The following TRIP12 variants were observed in gnomAD, a reference collection of about 807,000 sequenced individuals.
TRIP12 encodes the protein thyroid hormone receptor interactor 12.
A neutral mutation model predicts 244.2 loss-of-function variants in TRIP12; 25 were observed. The ratio of observed to expected loss-of-function variants is 0.10; its 90% CI spans 0.07 to 0.14. The LOEUF (loss-of-function observed/expected upper bound fraction) is 0.14. TRIP12 is among the 10% of genes least tolerant of loss of function. The pLI is 1.00. For missense variants in TRIP12, 1,677 were observed against 2,486.4 expected, an observed-to-expected ratio of 0.67 and a Z score of 6.92; for synonymous variants, 905 against 873.1, an observed-to-expected ratio of 1.04 and a Z score of -0.64.
At chr2:229,829,421 G>T in intron 7 of TRIP12, 133 bp from the exon 8 acceptor site, 1 of 664,054 alleles carries the variant, frequency 1.5e-6, no homozygotes. Context: ...GGACTTTTAA[G>T]AGAAGCTACA....
intron 1 of TRIP12, among the ~76,000 whole-genome samples, chr2:229,920,372 G>A (rs1244018716): frequency 6.6e-6 from 1 of 152,134 alleles, no homozygotes; most frequent in Non-Finnish European, 1.5e-5. Flanking sequence ...TGGCAGCCCA[G>A]GCAAGATCGA....
At position 229,767,353 on chromosome 2, in the gene TRIP12, A is replaced by G. The variant is rs1398905690; in HGVS notation, c.*201T>C. On this transcript the variant is annotated 3_prime_UTR_variant, in exon 42 of 42. Transcript: ENST00000675903. ...AACTTGCTAAAGAAACCTCATCACA[A>G]CAACGTTTTAGGGCCTGATCACTTT... 2.2e-6 allele frequency: 1 copy of G among 453,126 alleles called. No individual in the cohort carries two copies. Among genetic ancestry groups the G allele is most frequent in the Non-Finnish European group, 3.7e-6 (1 of 273,616 alleles). 28.1% of individuals were successfully genotyped at this position (453,126 alleles called of 1,614,324 possible).
At chr2:229,827,339 T>G (rs555488641) in intron 8 of TRIP12, among the ~76,000 whole-genome samples, 5 of 152,026 alleles carry the variant, frequency 3.3e-5, no homozygotes, top group Admixed American at 6.5e-5. Context: ...CTTTTTTACT[T>G]CATAAACTTT....
chr2:229,839,692 A>G (rs552370247), intron 5 of TRIP12, among the ~76,000 whole-genome samples: 1 of 151,796 alleles, frequency 6.6e-6, no homozygotes, highest in Admixed American at 6.6e-5. Flanking sequence ...AAAAAAAAAA[A>G]GAAAAAAGTG....
chr2:229,840,434 G>A (rs556356186), intron 5 of TRIP12, among the ~76,000 whole-genome samples: 2 of 152,264 alleles, frequency 1.3e-5, no homozygotes, highest in East Asian at 3.9e-4. Context: ...GGGCACGGTG[G>A]CTCACGCCTG....
intron 15 of TRIP12, among the ~76,000 whole-genome samples, chr2:229,809,305 TA>T (rs1324183223): frequency 6.6e-6 from 1 of 152,208 alleles, no homozygotes; most frequent in Non-Finnish European, 1.5e-5. Context: ...ATAAGGATTT[TA>T]TTTTTTTTAG....
At chr2:229,785,730 A>T in intron 34 of TRIP12, 27 bp downstream of exon 34, 1 of 1,598,718 alleles carries the variant, frequency 6.3e-7, no homozygotes, top group South Asian at 1.1e-5. Flanking sequence ...GTCAAGCTAA[A>T]TAACCATCAC....
intron 2 of TRIP12, among the ~76,000 whole-genome samples, chr2:229,869,086 A>T (rs2062062148): frequency 6.6e-6 from 1 of 152,236 alleles, no homozygotes; most frequent in African/African-American, 2.4e-5. Context: ...AGAGCTTACC[A>T]CTGACCTGGA....
At chr2:229,858,678 G>A in intron 4 of TRIP12, 94 bp downstream of exon 4, 1 of 1,083,082 alleles carries the variant, frequency 9.2e-7, no homozygotes, top group Non-Finnish European at 1.3e-6. Flanking sequence ...CTAAGACTGG[G>A]GGGAAAAAAC....
Position 229,769,468 on chromosome 2 carries a change from A to T in TRIP12, c.5809-143T>A, listed in dbSNP as rs542913434. ...TTGGGACCTCTTTCCAAAAAAAAAA[A>T]AATAATAATAAAATAAAATAAAATT... On this transcript the variant is annotated intron_variant, in intron 39 of 41. Coordinates refer to ENST00000675903, the MANE Select transcript of TRIP12 (RefSeq NM_001348323.3). 689 of 407,884 alleles carry T rather than the reference A, an allele frequency of 1.7e-3. 3 individuals carry two copies. Among genetic ancestry groups the T allele is most frequent in the African/African-American group, 9.5e-3 (444 of 46,924 alleles). 25.3% of individuals were successfully genotyped at this position (407,884 alleles called of 1,614,324 possible).
At chr2:229,813,783 T>A (rs1360805771) in intron 13 of TRIP12, 87 bp downstream of exon 13, 3 of 1,001,976 alleles carry the variant, frequency 3.0e-6, no homozygotes, top group Non-Finnish European at 2.5e-6. Context: ...GACTCCCATC[T>A]CAAAAAAATA....
At chr2:229,823,568 C>T (rs1197682742) in intron 8 of TRIP12, among the ~76,000 whole-genome samples, 3 of 151,246 alleles carry the variant, frequency 2.0e-5, no homozygotes, top group African/African-American at 4.9e-5. Flanking sequence ...CCCAGCTACT[C>T]GGGAGGTTGA....
intron 1 of TRIP12, among the ~76,000 whole-genome samples, chr2:229,899,617 C>T (rs182985455): frequency 9.2e-5 from 14 of 152,162 alleles, no homozygotes; most frequent in African/African-American, 1.4e-4. Flanking sequence ...GAGTAAAAGG[C>T]GACAAACTAC....
chr2:229,803,719 C>T, intron 19 of TRIP12, 30 bp from the exon 20 acceptor site: 1 of 1,498,752 alleles, frequency 6.7e-7, no homozygotes, highest in South Asian at 1.2e-5. Flanking sequence ...GTATATAAAA[C>T]TCTGCCTGAA....
chr2:229,823,699 C>A (rs503926), intron 8 of TRIP12, among the ~76,000 whole-genome samples: 69,800 of 150,580 alleles, frequency 0.46, 17,080 homozygotes, highest in East Asian at 0.68. Context: ...ACAACAACAA[C>A]AAAAAATAAG....
intron 32 of TRIP12, 73 bp from the exon 33 acceptor site, chr2:229,787,734 A>G (rs2040438316): frequency 7.4e-7 from 1 of 1,352,462 alleles, no homozygotes; most frequent in South Asian, 1.5e-5. Context: ...ATCCAAACTT[A>G]TATTAGAAAC....
intron 6 of TRIP12, among the ~76,000 whole-genome samples, chr2:229,831,871 TTTGTTTG>T (rs2053487681): frequency 7.7e-6 from 1 of 129,574 alleles, no homozygotes. Flanking sequence ...AAAGGTTTTT[TTTGTTTG>T]TTTTTTGGGT....
chr2:229,920,733 T>C (rs1231839321), intron 1 of TRIP12, among the ~76,000 whole-genome samples: 1 of 152,060 alleles, frequency 6.6e-6, no homozygotes, highest in Non-Finnish European at 1.5e-5. Context: ...TTTACATGTG[T>C]TTTTATGTTT....
chr2:229,856,785 T>C (rs144867491), intron 4 of TRIP12, among the ~76,000 whole-genome samples: 251 of 152,366 alleles, frequency 1.6e-3, no homozygotes, highest in African/African-American at 5.5e-3. Flanking sequence ...AAATAGTTGG[T>C]TGTCCTTTTA....
Sources: allele counts gnomAD v4.1 joint callset (sites outside exome capture counted in the v4.1 genomes callset), GRCh38; gene constraint gnomAD v4.1.1; transcripts MANE v1.5; gene names NCBI Gene and HGNC (gene_info 2026-07-23, HGNC 2026-07-21).